LRRC7: variants seen among roughly 807,000 people sequenced by gnomAD.
LRRC7 encodes the protein leucine-rich repeat-containing protein 7.
LRRC7 carries 23 observed loss-of-function variants against 175.7 expected under a neutral mutation model. That is an observed-to-expected ratio of 0.13 (90% CI 0.09 to 0.19). The LOEUF is 0.19. Ranked by LOEUF, LRRC7 falls within the 10% of genes least tolerant of loss-of-function variation. The probability of loss-of-function intolerance (pLI) is 1.00; values close to 1 mark genes in which losing one functional copy is unlikely to be tolerated. For missense variants in LRRC7, 1,354 were observed against 1,904.7 expected, an observed-to-expected ratio of 0.71 and a Z score of 5.38; for synonymous variants, 685 against 680.9, an observed-to-expected ratio of 1.01 and a Z score of -0.09.
At chr1:69,580,400 T>C (rs1646147405) in intron 1 of LRRC7, among the ~76,000 whole-genome samples, 1 of 152,158 alleles carries the variant, frequency 6.6e-6, no homozygotes, top group African/African-American at 2.4e-5. Flanking sequence ...ATCAACCTAT[T>C]TGAGAAAATT....
chr1:70,053,307 T>A (rs1660886371), intron 23 of LRRC7, among the ~76,000 whole-genome samples, 162 bp downstream of exon 23: 2 of 152,186 alleles, frequency 1.3e-5, no homozygotes, highest in Non-Finnish European at 2.9e-5. Context: ...TACATTGAAA[T>A]GAATGGAAAA....
chr1:69,867,036 AC>A (rs1685022352), intron 7 of LRRC7, among the ~76,000 whole-genome samples: 1 of 152,166 alleles, frequency 6.6e-6, no homozygotes, highest in African/African-American at 2.4e-5. Flanking sequence ...ATTACAGAGA[AC>A]TTTATAAAAT....
Position 70,121,933 on chromosome 1 carries a change from T to C in LRRC7, c.*46T>C, listed in dbSNP as rs762361097. On this transcript the variant is annotated 3_prime_UTR_variant, in exon 27 of 27. Coordinates refer to ENST00000651989, the MANE Select transcript of LRRC7 (RefSeq NM_001370785.2). ...AGATACGTCTAGCCAGACCTAATGTTCAAAAATAAATTTATACATAGAAAC... is the reference window on the plus strand; with the variant it reads ...AGATACGTCTAGCCAGACCTAATGTCCAAAAATAAATTTATACATAGAAAC... 3.6e-6 allele frequency: 5 copies of C among 1,385,734 alleles called. No homozygotes were observed. The African/African-American group carries it at 5.8e-5, about 16-fold the overall frequency. The allele number at this position is 1,385,734 out of a possible 1,614,324, so 85.8% of individuals were successfully genotyped here.
At chr1:69,594,601 A>C (rs1646765093) in intron 1 of LRRC7, among the ~76,000 whole-genome samples, 1 of 152,080 alleles carries the variant, frequency 6.6e-6, no homozygotes, top group African/African-American at 2.4e-5. Context: ...CCTATATTCT[A>C]TACTAAGTCT....
chr1:69,922,118 G>C (rs1316333819), intron 7 of LRRC7, among the ~76,000 whole-genome samples: 1 of 152,076 alleles, frequency 6.6e-6, no homozygotes, highest in Non-Finnish European at 1.5e-5. Context: ...AGAGACGGGG[G>C]TTTCACCATG....
intron 2 of LRRC7, among the ~76,000 whole-genome samples, chr1:69,727,954 G>A (rs1667156503): frequency 6.6e-6 from 1 of 152,178 alleles, no homozygotes; most frequent in African/African-American, 2.4e-5. Flanking sequence ...GAATCAACAT[G>A]AACTTATATC....
intron 10 of LRRC7, among the ~76,000 whole-genome samples, chr1:69,991,154 TCA>T (rs777924756): frequency 4.8e-5 from 1 of 20,798 alleles, no homozygotes. Context: ...GGACCTTTTA[TCA>T]AAAAAAAAAA....
At chr1:69,909,963 T>C (rs1646468535) in intron 7 of LRRC7, among the ~76,000 whole-genome samples, 1 of 152,140 alleles carries the variant, frequency 6.6e-6, no homozygotes, top group African/African-American at 2.4e-5. Context: ...GGAGGCTTTG[T>C]TTGTTTCTTT....
intron 8 of LRRC7, among the ~76,000 whole-genome samples, chr1:69,954,733 A>G (rs1190230322): frequency 3.3e-5 from 5 of 152,084 alleles, no homozygotes; most frequent in Non-Finnish European, 7.4e-5. Flanking sequence ...TTCTGTTCAC[A>G]CATGAAGAAA....
intron 24 of LRRC7, among the ~76,000 whole-genome samples, chr1:70,081,192 C>G (rs1391676361): frequency 6.6e-6 from 1 of 152,148 alleles, no homozygotes. Flanking sequence ...TGTTCTATAG[C>G]TCAACAATTT....
chr1:70,113,292 G>A (rs1419972649), intron 26 of LRRC7, among the ~76,000 whole-genome samples: 1 of 152,078 alleles, frequency 6.6e-6, no homozygotes, highest in Non-Finnish European at 1.5e-5. Context: ...TTATTCAACA[G>A]CCTCAGCTAT....
At chr1:69,964,167 G>GT in intron 8 of LRRC7, among the ~76,000 whole-genome samples, 1 of 152,170 alleles carries the variant, frequency 6.6e-6, no homozygotes, top group Admixed American at 6.5e-5. Context: ...CATTCGTTTG[G>GT]TTTTTTATGC....
At chr1:69,970,388 T>G (rs1472220704) in intron 8 of LRRC7, among the ~76,000 whole-genome samples, 1 of 152,020 alleles carries the variant, frequency 6.6e-6, no homozygotes, top group African/African-American at 2.4e-5. Context: ...CTGGCAAGAT[T>G]AACCAAGAAA....
intron 7 of LRRC7, among the ~76,000 whole-genome samples, chr1:69,869,380 C>G (rs1209673649): frequency 6.6e-6 from 1 of 151,624 alleles, no homozygotes; most frequent in Non-Finnish European, 1.5e-5. Flanking sequence ...TGTGAATGAC[C>G]CAGTAGATGG....
chr1:69,994,075 T>G (rs1654699194), intron 10 of LRRC7, among the ~76,000 whole-genome samples: 1 of 152,186 alleles, frequency 6.6e-6, no homozygotes, highest in South Asian at 2.1e-4. Context: ...TGTTGTAAAT[T>G]TCCAAGAACA....
chr1:70,048,569 C>A (rs1660511686), intron 22 of LRRC7, among the ~76,000 whole-genome samples: 1 of 152,078 alleles, frequency 6.6e-6, no homozygotes, highest in African/African-American at 2.4e-5. Flanking sequence ...TTAAAAACCT[C>A]TTCCATACAC....
chr1:69,595,440 C>A (rs536628053), intron 1 of LRRC7, among the ~76,000 whole-genome samples: 1 of 152,188 alleles, frequency 6.6e-6, no homozygotes, highest in African/African-American at 2.4e-5. Flanking sequence ...AACAAACAAA[C>A]AAATAATGTT....
At chr1:69,843,946 G>C (rs1031042775) in intron 7 of LRRC7, among the ~76,000 whole-genome samples, 12 of 152,056 alleles carry the variant, frequency 7.9e-5, no homozygotes, top group Non-Finnish European at 1.8e-4. Context: ...TTGAAGATTA[G>C]ATGGTAGTAA....
rs891843428 is a variant in LRRC7, at chr1:69,740,578, T to G, written c.101-19613T>G. 3.9e-5 allele frequency among the ~76,000 whole-genome samples: 6 copies of G among 152,064 alleles called. No homozygotes were observed. In the East Asian group the frequency reaches 7.7e-4, roughly 20 times the overall value. ...AGATTTACGGACAGCAAAAGGAAAG[T>G]GAGTTACAGAAAACAGAGATGAGGT... On this transcript the variant is annotated intron_variant, in intron 2 of 26. Transcript: ENST00000651989.
Sources: gnomAD v4.1 joint callset for allele counts (sites outside exome capture counted in the v4.1 genomes callset) on GRCh38, gnomAD v4.1.1 for gene constraint, MANE v1.5 for transcripts, NCBI Gene and HGNC (gene_info 2026-07-23, HGNC 2026-07-21) for gene names.